GLUD1: variants seen among roughly 807,000 people sequenced by gnomAD.
GLUD1 encodes the protein glutamate dehydrogenase 1, mitochondrial.
A neutral mutation model predicts 56.0 loss-of-function variants in GLUD1; 22 were observed. The observed-to-expected ratio is 0.39, with a 90% confidence interval of 0.28 to 0.56. GLUD1 has a LOEUF of 0.56. GLUD1 is among the 20% of genes least tolerant of loss of function. The probability of loss-of-function intolerance (pLI) is 0.58; values close to 1 mark genes in which losing one functional copy is unlikely to be tolerated. For missense variants in GLUD1, 451 were observed against 732.0 expected (o/e 0.62, Z 4.43); for synonymous variants, 223 against 269.9 (o/e 0.83, Z 1.70).
chr10:87,087,901 C>A (rs1195651827), intron 1 of GLUD1, among the ~76,000 whole-genome samples: 2 of 152,026 alleles, frequency 1.3e-5, no homozygotes, highest in East Asian at 3.9e-4. Context: ...ACCAACATGG[C>A]AAAACCCTGT....
intron 5 of GLUD1, among the ~76,000 whole-genome samples, chr10:87,065,159 G>A (rs1285402658): frequency 6.6e-6 from 1 of 151,688 alleles, no homozygotes; most frequent in East Asian, 1.9e-4. Context: ...TGGGCATGGT[G>A]GCAGGCACCT....
At position 87,051,455 on chromosome 10, in the gene GLUD1, G is replaced by T. The variant is rs1204386912; in HGVS notation, c.*296C>A. On this transcript the variant is annotated 3_prime_UTR_variant, in exon 13 of 13. Coordinates refer to ENST00000277865, the MANE Select transcript of GLUD1 (RefSeq NM_005271.5). ...CCAGCACTAGCACTGATTGTGTTGGGAAAAGCCACAGAGCAAGGCTGCACA... is the reference window on the plus strand; with the variant it reads ...CCAGCACTAGCACTGATTGTGTTGGTAAAAGCCACAGAGCAAGGCTGCACA... 1 of 440,418 alleles carries T rather than the reference G, an allele frequency of 2.3e-6. No individual in the cohort carries two copies. The highest frequency in any genetic ancestry group is 2.0e-5 in the African/African-American group (1 of 49,516). 27.3% of individuals were successfully genotyped at this position (440,418 alleles called of 1,614,324 possible).
chr10:87,071,083 C>T (rs1353191413), intron 4 of GLUD1, among the ~76,000 whole-genome samples: 10 of 151,322 alleles, frequency 6.6e-5, no homozygotes, highest in African/African-American at 9.7e-5. Flanking sequence ...GAGCTGAGAT[C>T]GTGCCACTAC....
chr10:87,091,581 C>T (rs1016292723), intron 1 of GLUD1: 5 of 965,972 alleles, frequency 5.2e-6, no homozygotes, highest in Admixed American at 6.2e-5. Context: ...CCTTTCAAAT[C>T]CTTAACACAG....
At chr10:87,061,294 G>C in intron 6 of GLUD1, 1 of 618,842 alleles carries the variant, frequency 1.6e-6, no homozygotes. Context: ...GGCTGAGGCA[G>C]GTGGATCACT....
intron 1 of GLUD1, among the ~76,000 whole-genome samples, chr10:87,088,343 A>G (rs1841435179): frequency 6.6e-6 from 1 of 152,168 alleles, no homozygotes; most frequent in Non-Finnish European, 1.5e-5. Flanking sequence ...AAAAAATTCA[A>G]CTTTGTTTTT....
At chr10:87,062,635 T>C (rs1220252629) in intron 6 of GLUD1, 21 bp downstream of exon 6, 1 of 1,593,250 alleles carries the variant, frequency 6.3e-7, no homozygotes, top group Non-Finnish European at 8.6e-7. Flanking sequence ...TTAAGGAAAC[T>C]TTTTTTGTTT....
At chr10:87,059,644 T>C (rs757273752) in intron 9 of GLUD1, among the ~76,000 whole-genome samples, 10 of 152,226 alleles carry the variant, frequency 6.6e-5, no homozygotes, top group Non-Finnish European at 1.5e-4. Flanking sequence ...TTTCTCCTAT[T>C]ACCTAAGGGT....
intron 1 of GLUD1, among the ~76,000 whole-genome samples, chr10:87,081,769 C>T (rs945499593): frequency 1.1e-4 from 17 of 151,454 alleles, no homozygotes; most frequent in African/African-American, 4.1e-4. Context: ...TAAGAGTCAT[C>T]ACCACTCCCT....
At chr10:87,090,668 C>A (rs770959078) in intron 1 of GLUD1, among the ~76,000 whole-genome samples, 27 of 152,178 alleles carry the variant, frequency 1.8e-4, no homozygotes, top group Non-Finnish European at 2.5e-4. Context: ...AAAAGACACA[C>A]AAATTACCTA....
intron 1 of GLUD1, 41 bp from the exon 2 acceptor site, chr10:87,076,697 A>G (rs1846405779): frequency 9.2e-7 from 1 of 1,090,758 alleles, no homozygotes; most frequent in African/African-American, 1.5e-5. Flanking sequence ...GTGGGTGAGA[A>G]AGAAGGGGTT....
chr10:87,055,721 G>A (rs1845754108), intron 11 of GLUD1, among the ~76,000 whole-genome samples: 2 of 152,272 alleles, frequency 1.3e-5, no homozygotes, highest in South Asian at 4.1e-4. Context: ...TACCTAGAAT[G>A]GGTAAAGCAT....
At chr10:87,060,855 G>A in intron 7 of GLUD1, 30 bp from the exon 8 acceptor site, 3 of 1,614,052 alleles carry the variant, frequency 1.9e-6, no homozygotes, top group Non-Finnish European at 2.5e-6. Context: ...ACAATTAATA[G>A]CTGCACCAGA....
chr10:87,076,934 A>G (rs1846411749), intron 1 of GLUD1, among the ~76,000 whole-genome samples: 1 of 152,154 alleles, frequency 6.6e-6, no homozygotes, highest in South Asian at 2.1e-4. Context: ...CACTTTCCAG[A>G]AGGCTTTTTT....
intron 10 of GLUD1, among the ~76,000 whole-genome samples, chr10:87,058,904 A>G (rs1387987844): frequency 6.6e-6 from 1 of 152,192 alleles, no homozygotes; most frequent in Non-Finnish European, 1.5e-5. Context: ...AAAAGAAAAA[A>G]AAAATGTAGA....
intron 1 of GLUD1, among the ~76,000 whole-genome samples, chr10:87,077,941 TAA>T (rs754597318): frequency 1.4e-4 from 21 of 152,132 alleles, no homozygotes; most frequent in Non-Finnish European, 2.9e-4. Flanking sequence ...ATTCTGAGAT[TAA>T]AAGTTTTTCA....
At chr10:87,079,936 C>G (rs1191361941) in intron 1 of GLUD1, among the ~76,000 whole-genome samples, 2 of 134,870 alleles carry the variant, frequency 1.5e-5, no homozygotes, top group Non-Finnish European at 3.2e-5. Flanking sequence ...CCCCCTCTCC[C>G]TCTCCCTCTC....
At chr10:87,085,954 T>C (rs1355899698) in intron 1 of GLUD1, among the ~76,000 whole-genome samples, 1 of 152,194 alleles carries the variant, frequency 6.6e-6, no homozygotes, top group Non-Finnish European at 1.5e-5. Context: ...ATGATGCTAG[T>C]TAAAATGGTG....
chr10:87,077,106 G>A (rs183717995), intron 1 of GLUD1, among the ~76,000 whole-genome samples: 12 of 152,160 alleles, frequency 7.9e-5, no homozygotes, highest in Non-Finnish European at 1.2e-4. Context: ...AACCTCCTAG[G>A]CTCAGGTAAT....
Sources: allele counts gnomAD v4.1 joint callset (sites outside exome capture counted in the v4.1 genomes callset), GRCh38; gene constraint gnomAD v4.1.1; transcripts MANE v1.5; gene names NCBI Gene and HGNC (gene_info 2026-07-23, HGNC 2026-07-21).